Variants in NBAS observed in about 807,000 individuals in gnomAD.
NBAS encodes NAG/BC035112 fusion.
Under a neutral mutation model 302.5 loss-of-function variants are expected in NBAS, and 219 were observed. That is an observed-to-expected ratio of 0.72 (90% CI 0.65 to 0.81). The LOEUF (loss-of-function observed/expected upper bound fraction) is 0.81, where lower values mean the gene tolerates loss of function less well. NBAS is among the 30% of genes least tolerant of loss of function. The pLI, the probability that NBAS is intolerant of heterozygous loss-of-function variation, is 0.00. For synonymous variants in NBAS, 1,118 were observed against 1,021.6 expected (o/e 1.09, Z -1.80); for missense variants, 2,932 against 2,841.6 (o/e 1.03, Z -0.72).
the NBAS span, among the ~76,000 whole-genome samples, chr2:15,136,428 A>G: frequency 6.6e-6 from 1 of 152,206 alleles, no homozygotes; most frequent in African/African-American, 2.4e-5. Context: ...TGTAGCCTGA[A>G]AATGGTGATA....
chr2:15,552,585 T>C (rs1664430721), intron 5 of NBAS, among the ~76,000 whole-genome samples: 1 of 152,194 alleles, frequency 6.6e-6, no homozygotes, highest in South Asian at 2.1e-4. Flanking sequence ...GTTGCTATTG[T>C]TGCTATTTCT....
the NBAS span, among the ~76,000 whole-genome samples, chr2:14,994,981 T>G: frequency 6.6e-6 from 1 of 152,190 alleles, no homozygotes; most frequent in Non-Finnish European, 1.5e-5. Context: ...GGTGAGTATG[T>G]CAAAAAGGTA....
At chr2:14,873,703 C>T in the NBAS span, among the ~76,000 whole-genome samples, 2 of 146,212 alleles carry the variant, frequency 1.4e-5, no homozygotes, top group Admixed American at 1.3e-4. Context: ...AAAAAAAAAC[C>T]CACACATACC....
At chr2:14,976,578 G>A in the NBAS span, among the ~76,000 whole-genome samples, 2 of 152,216 alleles carry the variant, frequency 1.3e-5, no homozygotes, top group African/African-American at 4.8e-5. Context: ...CCTGTAATGA[G>A]TTGAAAAGTG....
At chr2:14,873,510 C>T in the NBAS span, among the ~76,000 whole-genome samples, 1 of 152,124 alleles carries the variant, frequency 6.6e-6, no homozygotes, top group East Asian at 1.9e-4. Flanking sequence ...AGCCACTGTG[C>T]CTGGCCAGAA....
chr2:15,104,019 C>T, the NBAS span, among the ~76,000 whole-genome samples: 464 of 152,266 alleles, frequency 3.0e-3, 5 homozygotes, highest in African/African-American at 0.011. Flanking sequence ...TGTGTCCCCA[C>T]CCAAATCTCA....
chr2:15,009,719 T>C, the NBAS span, among the ~76,000 whole-genome samples: 1 of 130,784 alleles, frequency 7.6e-6, no homozygotes, highest in African/African-American at 2.9e-5. Flanking sequence ...TATATATATA[T>C]ACGGTGCATA....
At chr2:14,963,075 C>A in the NBAS span, among the ~76,000 whole-genome samples, 1 of 152,062 alleles carries the variant, frequency 6.6e-6, no homozygotes, top group Admixed American at 6.6e-5. Context: ...TTGAGACCAG[C>A]CTGGCCAACA....
At chr2:15,224,135 C>T (rs1219677656) in intron 47 of NBAS, among the ~76,000 whole-genome samples, 1 of 152,140 alleles carries the variant, frequency 6.6e-6, no homozygotes, top group African/African-American at 2.4e-5. Context: ...TAATTTGAGA[C>T]TGTGTTACTC....
the NBAS span, among the ~76,000 whole-genome samples, chr2:15,042,225 G>A: frequency 9.2e-5 from 14 of 152,304 alleles, no homozygotes; most frequent in South Asian, 1.0e-3. Context: ...CTGTAAGTGC[G>A]TAATTGCCAT....
rs140580759 is a variant in NBAS at position 15,292,694 on chromosome 2, C to A, written c.4870G>T (p.Asp1624Tyr). The change falls in exon 41 of 52, where the codon GAC (aspartate) becomes TAC (tyrosine). Residue 1624 changes from aspartate (D) to tyrosine (Y), a missense_variant. Transcript: ENST00000281513. ...AACTGCTTGGTCAGTGAAATAAGGT[C>A]TTCAGGCCAGGCTTCGTGCTCATGT... ...TRHEHEAWPE[D>Y]LISLTKQLHC... The A allele has an allele frequency of 1.2e-6, 2 of 1,614,198 alleles. No individual in the cohort carries two copies. The highest frequency in any genetic ancestry group is 1.7e-6 in the Non-Finnish European group (2 of 1,180,038).
At chr2:15,235,391 C>T (rs1049320630) in intron 45 of NBAS, among the ~76,000 whole-genome samples, 1 of 152,164 alleles carries the variant, frequency 6.6e-6, no homozygotes, top group African/African-American at 2.4e-5. Flanking sequence ...TTGATAAGAT[C>T]TGTAAAAACA....
At chr2:15,267,703 A>G (rs1234793423) in intron 44 of NBAS, among the ~76,000 whole-genome samples, 1 of 152,206 alleles carries the variant, frequency 6.6e-6, no homozygotes, top group African/African-American at 2.4e-5. Flanking sequence ...GGTCAATGTA[A>G]TTTAATATAA....
At chr2:15,033,043 T>C in the NBAS span, among the ~76,000 whole-genome samples, 53 of 152,234 alleles carry the variant, frequency 3.5e-4, no homozygotes, top group Non-Finnish European at 6.2e-4. Context: ...AGCAGAACCC[T>C]GGGGGCAGGA....
At chr2:15,344,021 A>G (rs1438561673) in intron 35 of NBAS, among the ~76,000 whole-genome samples, 1 of 151,740 alleles carries the variant, frequency 6.6e-6, no homozygotes, top group East Asian at 1.9e-4. Context: ...CAAAATAAAA[A>G]ACCTCTTACA....
chr2:15,049,456 T>A, the NBAS span, among the ~76,000 whole-genome samples: 1 of 152,180 alleles, frequency 6.6e-6, no homozygotes, highest in Non-Finnish European at 1.5e-5. Context: ...ACTCATCACC[T>A]GTGGGACCCC....
chr2:14,948,489 C>A, the NBAS span, among the ~76,000 whole-genome samples: 4 of 151,882 alleles, frequency 2.6e-5, no homozygotes, highest in African/African-American at 9.7e-5. Flanking sequence ...AGAAACCAAT[C>A]CCATTTACAA....
chr2:14,863,609 T>C, the NBAS span, among the ~76,000 whole-genome samples: 1 of 152,244 alleles, frequency 6.6e-6, no homozygotes, highest in African/African-American at 2.4e-5. Context: ...TCCAGACTTC[T>C]TGGTTCCTGC....
Position 15,178,040 on chromosome 2 carries a change from G to T in NBAS, c.6840+948C>A. ...ATTTACAGAATTTTCTGTATCCTTT[G>T]TCATTAAGAAAACTTTATATCAGTG... On this transcript the variant is annotated intron_variant, in intron 51 of 51. Transcript: ENST00000281513. The T allele has an allele frequency of 1.6e-5, 6 of 373,132 alleles. No individual in the cohort carries two copies. In the East Asian group the frequency reaches 2.3e-4, roughly 14 times the overall value. The allele number at this position is 373,132 out of a possible 1,614,324, so 23.1% of individuals were successfully genotyped here. A position where few individuals can be genotyped will look rare whatever the true frequency, so the allele number is the denominator to read the frequency against.
Sources: gnomAD v4.1 joint callset for allele counts (sites outside exome capture counted in the v4.1 genomes callset) on GRCh38, gnomAD v4.1.1 for gene constraint, MANE v1.5 for transcripts, NCBI Gene and HGNC (gene_info 2026-07-23, HGNC 2026-07-21) for gene names.